Variants in CMC1 observed in about 807,000 individuals in gnomAD.
CMC1 encodes COX assembly mitochondrial protein homolog.
A neutral mutation model predicts 14.1 loss-of-function variants in CMC1; 14 were observed. The observed-to-expected ratio is 0.99, with a 90% CI of 0.66 to 1.55. The LOEUF (loss-of-function observed/expected upper bound fraction) is 1.55. Among genes scored for constraint, CMC1 ranks in the 40% most tolerant of loss-of-function variants. The pLI is 0.00. For missense variants in CMC1, 127 were observed against 123.8 expected (o/e 1.03, Z -0.12); for synonymous variants, 50 against 38.4 (o/e 1.30, Z -1.12).
At chr3:28,259,802 C>A (rs558065808) in intron 1 of CMC1, among the ~76,000 whole-genome samples, 7 of 152,256 alleles carry the variant, frequency 4.6e-5, no homozygotes. Flanking sequence ...TGATACAATA[C>A]TGTTAACTAG....
At chr3:28,242,188 G>C (rs1384416167) in intron 1 of CMC1, among the ~76,000 whole-genome samples, 1 of 152,174 alleles carries the variant, frequency 6.6e-6, no homozygotes, top group Non-Finnish European at 1.5e-5. Flanking sequence ...TTACATTTCT[G>C]TTTGGGAGTT....
intron 3 of CMC1, chr3:28,318,579 A>T (rs1448028065): frequency 6.6e-6 from 1 of 151,922 alleles, no homozygotes; most frequent in Non-Finnish European, 1.5e-5. Flanking sequence ...AAGTCCAAAA[A>T]TGAACTGGGC....
At chr3:28,273,996 T>C (rs1700428356) in intron 2 of CMC1, among the ~76,000 whole-genome samples, 2 of 152,132 alleles carry the variant, frequency 1.3e-5, no homozygotes, top group South Asian at 2.1e-4. Context: ...GCATGTAAAG[T>C]GGGTCTCTTG....
At position 28,323,893 on chromosome 3, in the gene CMC1, G is replaced by T; in HGVS notation, c.*4264G>T. On this transcript the variant is annotated 3_prime_UTR_variant, in exon 4 of 4. Coordinates refer to ENST00000466830, the MANE Select transcript of CMC1 (RefSeq NM_182523.2). ...TAGAAAACCAACTATGTTGGTTTTT[G>T]TACTATTGTACAGTGTGTTCAAATA... is the stretch of plus-strand genomic sequence containing the variant. 1 of 830,524 alleles carries T rather than the reference G, an allele frequency of 1.2e-6. No individual in the cohort carries two copies. The highest frequency in any genetic ancestry group is 1.8e-6 in the Non-Finnish European group (1 of 552,238). 51.4% of individuals were successfully genotyped at this position (830,524 alleles called of 1,614,324 possible).
chr3:28,276,604 A>ATATACAATCTTC (rs1479457229), intron 2 of CMC1, among the ~76,000 whole-genome samples: 10 of 152,336 alleles, frequency 6.6e-5, no homozygotes, highest in African/African-American at 2.4e-4. Flanking sequence ...ATGTGCTTGT[A>ATATACAATCTTC]TATACAATCT....
At chr3:28,274,571 A>G (rs532877351) in intron 2 of CMC1, among the ~76,000 whole-genome samples, 3 of 152,110 alleles carry the variant, frequency 2.0e-5, no homozygotes, top group Non-Finnish European at 2.9e-5. Flanking sequence ...ACCTTGGAGA[A>G]TCTGATGATT....
chr3:28,278,713 T>A (rs140769654), intron 2 of CMC1, among the ~76,000 whole-genome samples: 10 of 152,294 alleles, frequency 6.6e-5, no homozygotes, highest in Admixed American at 4.6e-4. Context: ...GTGTCATAGC[T>A]CAATAAAAAG....
chr3:28,263,756 A>G (rs1333175195), intron 2 of CMC1, among the ~76,000 whole-genome samples: 1 of 152,036 alleles, frequency 6.6e-6, no homozygotes, highest in Non-Finnish European at 1.5e-5. Flanking sequence ...ATTCGCATAC[A>G]TATATATATT....
At chr3:28,249,690 G>A (rs1424350785) in intron 1 of CMC1, among the ~76,000 whole-genome samples, 2 of 152,176 alleles carry the variant, frequency 1.3e-5, no homozygotes, top group Non-Finnish European at 2.9e-5. Flanking sequence ...GTACAGCCAG[G>A]GTTGAGAGCT....
chr3:28,291,658 T>C (rs1701475037), intron 2 of CMC1: 1 of 152,188 alleles, frequency 6.6e-6, no homozygotes, highest in African/African-American at 2.4e-5. Context: ...GCCTTGCTGT[T>C]TCTCTGAAAA....
intron 2 of CMC1, among the ~76,000 whole-genome samples, chr3:28,285,370 G>T (rs1701118147): frequency 1.2e-5 from 1 of 83,906 alleles, no homozygotes; most frequent in Non-Finnish European, 2.7e-5. Context: ...TGTAGTATGA[G>T]ATAAAGAGAG....
chr3:28,306,358 T>TCAG lies in CMC1; in HGVS notation c.110-9971_110-9969dup, dbSNP rs745420387. Among the ~76,000 whole-genome samples, 108 of 152,270 alleles carry TCAG rather than the reference T, an allele frequency of 7.1e-4. 1 individual carries two copies. Among genetic ancestry groups the TCAG allele is most frequent in the Admixed American group, 1.8e-3 (27 of 15,300 alleles). On this transcript the variant is annotated intron_variant, in intron 2 of 3. Transcript: ENST00000466830. Reference sequence around the variant, plus strand: ...TCATTTGTTTCATCTGTGATTTCTTTCAGCAGTATTTTGGAGTTCTCGTAG... The same window carrying TCAG: ...TCATTTGTTTCATCTGTGATTTCTTTCAGCAGCAGTATTTTGGAGTTCTCGTAG...
chr3:28,252,067 G>C (rs985534484), intron 1 of CMC1, among the ~76,000 whole-genome samples: 1 of 152,178 alleles, frequency 6.6e-6, no homozygotes, highest in African/African-American at 2.4e-5. Flanking sequence ...TCTAAAATTG[G>C]CATGTCTTAT....
intron 2 of CMC1, among the ~76,000 whole-genome samples, chr3:28,301,076 A>G (rs1247234992): frequency 6.6e-6 from 1 of 152,050 alleles, no homozygotes; most frequent in Non-Finnish European, 1.5e-5. Flanking sequence ...ACATTTAAGC[A>G]GTTGATGTTA....
At chr3:28,294,901 G>A (rs192035091) in intron 2 of CMC1, among the ~76,000 whole-genome samples, 2 of 152,098 alleles carry the variant, frequency 1.3e-5, no homozygotes, top group Non-Finnish European at 2.9e-5. Context: ...CAGGCTTTGG[G>A]TATTAACTGA....
intron 2 of CMC1, among the ~76,000 whole-genome samples, chr3:28,312,513 C>T (rs1237264619): frequency 6.6e-6 from 1 of 152,292 alleles, no homozygotes; most frequent in South Asian, 2.1e-4. Flanking sequence ...TCTGCTATTT[C>T]TAGTTCAATG....
chr3:28,290,116 C>A (rs142999501), intron 2 of CMC1, among the ~76,000 whole-genome samples: 1 of 152,076 alleles, frequency 6.6e-6, no homozygotes, highest in Non-Finnish European at 1.5e-5. Context: ...AGTTATACTT[C>A]CCCCACCTTT....
At chr3:28,293,933 T>A (rs1333225185) in intron 2 of CMC1, among the ~76,000 whole-genome samples, 1 of 152,138 alleles carries the variant, frequency 6.6e-6, no homozygotes, top group Non-Finnish European at 1.5e-5. Context: ...GTAAAATCTT[T>A]GTTAACTGTC....
chr3:28,308,216 CAT>C (rs757013817), intron 2 of CMC1, among the ~76,000 whole-genome samples: 2 of 151,668 alleles, frequency 1.3e-5, no homozygotes, highest in African/African-American at 4.8e-5. Flanking sequence ...TGCTACCTAA[CAT>C]AGGCAGAAAA....
Sources: allele counts gnomAD v4.1 joint callset (sites outside exome capture counted in the v4.1 genomes callset), GRCh38; gene constraint gnomAD v4.1.1; transcripts MANE v1.5; gene names NCBI Gene and HGNC (gene_info 2026-07-23, HGNC 2026-07-21).